Variants in ABI1 observed in about 807,000 individuals in gnomAD.
ABI1 encodes the protein Abelson interactor 1.
ABI1 carries 14 observed loss-of-function variants against 54.6 expected under a neutral mutation model. That is an observed-to-expected ratio of 0.26 (90% CI 0.17 to 0.40). The LOEUF is 0.40. Ranked by LOEUF, ABI1 falls within the 10% of genes least tolerant of loss-of-function variation. The pLI, the probability that ABI1 is intolerant of heterozygous loss-of-function variation, is 1.00. For missense variants in ABI1, 443 were observed against 598.3 expected (o/e 0.74, Z 2.71); for synonymous variants, 194 against 209.3 (o/e 0.93, Z 0.63).
At position 26,772,391 on chromosome 10, in the gene ABI1, C is replaced by T. The variant is rs572389726; in HGVS notation, c.463-1302G>A. Reference sequence around the variant, plus strand: ...GTATATACATAATACTAAATACTATCCTAAAATAACCAAGAAAATATTCTA... The same window carrying T: ...GTATATACATAATACTAAATACTATTCTAAAATAACCAAGAAAATATTCTA... On this transcript the variant is annotated intron_variant, in intron 3 of 10. Transcript: ENST00000376140. 7.2e-5 allele frequency among the ~76,000 whole-genome samples: 11 copies of T among 152,038 alleles called. No homozygotes were observed. In the South Asian group the frequency reaches 2.1e-3, roughly 29 times the overall value.
Position 26,748,763 on chromosome 10 carries a change from G to C in ABI1, c.1271-18C>G. On this transcript the variant is annotated intron_variant, in intron 10 of 10. Coordinates refer to ENST00000376140, the MANE Select transcript of ABI1 (RefSeq NM_001012750.3). ...TGCAACAACTATGGAAAAAACAGTT[G>C]AAATATCACATGAGTGCACTATATC... The C allele has an allele frequency of 6.3e-7, 1 of 1,588,286 alleles. No individual in the cohort carries two copies. Among genetic ancestry groups the C allele is most frequent in the Non-Finnish European group, 8.6e-7 (1 of 1,162,268 alleles).
chr10:26,809,132 T>C (rs1310807114), intron 2 of ABI1, among the ~76,000 whole-genome samples: 4 of 151,714 alleles, frequency 2.6e-5, no homozygotes, highest in Admixed American at 6.6e-5. Context: ...TAGCCGAGCA[T>C]GGTGGTGGGC....
In ABI1 at chr10:26,796,503, G is replaced by C. The variant is rs371635267; in HGVS notation, c.286-19262C>G. Among the ~76,000 whole-genome samples the C allele has an allele frequency of 5.3e-5, 8 of 152,248 alleles. No homozygotes were observed. The East Asian group carries it at 1.4e-3, about 26-fold the overall frequency. On this transcript the variant is annotated intron_variant, in intron 2 of 10. Transcript: ENST00000376140. ...GCAACAGGCTGTACCATAGGGCCTAGGTATACAGTAGGCTGTACTATCTAG... is the reference window on the plus strand; with the variant it reads ...GCAACAGGCTGTACCATAGGGCCTACGTATACAGTAGGCTGTACTATCTAG...
intron 9 of ABI1, among the ~76,000 whole-genome samples, chr10:26,754,507 G>A (rs1298199766): frequency 1.3e-5 from 2 of 152,176 alleles, no homozygotes; most frequent in Admixed American, 1.3e-4. Flanking sequence ...CCTGAAGGAA[G>A]GGGCTTTTGT....
At chr10:26,804,144 A>G (rs1367392389) in intron 2 of ABI1, among the ~76,000 whole-genome samples, 1 of 152,118 alleles carries the variant, frequency 6.6e-6, no homozygotes, top group African/African-American at 2.4e-5. Context: ...GCACTTTGGG[A>G]GGCTGAGGCA....
chr10:26,853,683 T>C (rs537728679), intron 1 of ABI1, among the ~76,000 whole-genome samples: 1 of 151,938 alleles, frequency 6.6e-6, no homozygotes, highest in South Asian at 2.1e-4. Flanking sequence ...GGACTACAGA[T>C]GCCCGCCACC....
chr10:26,819,592 G>T (rs957971550), intron 2 of ABI1, among the ~76,000 whole-genome samples: 10 of 152,168 alleles, frequency 6.6e-5, no homozygotes, highest in Admixed American at 6.5e-4. Context: ...GAGATTTATA[G>T]ACATTCCACC....
intron 1 of ABI1, among the ~76,000 whole-genome samples, chr10:26,844,950 A>G (rs191397734): frequency 6.6e-6 from 1 of 152,250 alleles, no homozygotes; most frequent in Non-Finnish European, 1.5e-5. Flanking sequence ...CCCTTCTCCA[A>G]TCCATCCCGT....
At chr10:26,843,463 AAAAAAAAAAAAAAAAAAAAAAAATATAT>A (rs1394718241) in intron 1 of ABI1, among the ~76,000 whole-genome samples, 1 of 76,054 alleles carries the variant, frequency 1.3e-5, no homozygotes, top group African/African-American at 5.5e-5. Flanking sequence ...CAAAAAAAAA[AAAAAAAAAAAAAAAAAAAAAAAATATAT>A]ATATATATAT....
rs1325533123 is a variant in ABI1, at chr10:26,823,186, T to C, written c.237A>G (p.Gln79=). 1.2e-6 allele frequency: 2 copies of C among 1,603,430 alleles called. No individual in the cohort carries two copies. Among genetic ancestry groups the C allele is most frequent in the Non-Finnish European group, 1.7e-6 (2 of 1,176,840 alleles). ...ANNVLQLLDI[Q]ASQLRRMESS... ...ACTCCATTCTCCGAAGCTGAGAGGC[T>C]TGGATATCCAGCAACTGGAGTACAT... is the stretch of plus-strand genomic sequence containing the variant. The change falls in exon 2 of 11, where the codon CAA becomes CAG. Residue 79 remains glutamine, a synonymous_variant. Transcript: ENST00000376140.
chr10:26,831,785 C>A (rs2133921576), intron 1 of ABI1, among the ~76,000 whole-genome samples: 1 of 152,276 alleles, frequency 6.6e-6, no homozygotes, highest in South Asian at 2.1e-4. Flanking sequence ...TGATTAGATT[C>A]AGATTGAACA....
At chr10:26,831,436 G>T (rs1018818248) in intron 1 of ABI1, among the ~76,000 whole-genome samples, 1 of 152,100 alleles carries the variant, frequency 6.6e-6, no homozygotes, top group Non-Finnish European at 1.5e-5. Flanking sequence ...CCAGCTACTC[G>T]GGAGGCTGAG....
chr10:26,856,591 C>T (rs1295157488), intron 1 of ABI1, among the ~76,000 whole-genome samples: 1 of 152,188 alleles, frequency 6.6e-6, no homozygotes. Flanking sequence ...GCAAATGTCA[C>T]AGGAGGAGGA....
intron 2 of ABI1, among the ~76,000 whole-genome samples, chr10:26,815,716 TG>T (rs1362718927): frequency 1.3e-5 from 2 of 152,132 alleles, no homozygotes; most frequent in African/African-American, 4.8e-5. Context: ...AAGACCAGCC[TG>T]GGCAACACAG....
At chr10:26,798,569 T>C (rs2046350347) in intron 2 of ABI1, among the ~76,000 whole-genome samples, 1 of 152,086 alleles carries the variant, frequency 6.6e-6, no homozygotes. Flanking sequence ...GAAACCCATT[T>C]CAAACTTCTG....
At chr10:26,772,272 G>A (rs1350715831) in intron 3 of ABI1, among the ~76,000 whole-genome samples, 1 of 151,596 alleles carries the variant, frequency 6.6e-6, no homozygotes, top group South Asian at 2.1e-4. Context: ...GATCCTTGAA[G>A]ATAAAATACA....
chr10:26,829,126 T>C (rs1343257678), intron 1 of ABI1, among the ~76,000 whole-genome samples: 3 of 151,354 alleles, frequency 2.0e-5, no homozygotes, highest in African/African-American at 7.3e-5. Flanking sequence ...CTCGGGAGGC[T>C]GAGGCAGGAG....
chr10:26,809,574 TA>T (rs1315870228), intron 2 of ABI1, among the ~76,000 whole-genome samples: 4 of 151,478 alleles, frequency 2.6e-5, no homozygotes, highest in South Asian at 2.1e-4. Context: ...AATAAATAAA[TA>T]AAATAAAAAT....
intron 1 of ABI1, among the ~76,000 whole-genome samples, chr10:26,835,906 T>C (rs904682369): frequency 1.3e-5 from 2 of 151,050 alleles, no homozygotes; most frequent in Non-Finnish European, 3.0e-5. Flanking sequence ...CATGCCACCA[T>C]GTCTGGCTAA....
Sources: gnomAD v4.1 joint callset for allele counts (sites outside exome capture counted in the v4.1 genomes callset) on GRCh38, gnomAD v4.1.1 for gene constraint, MANE v1.5 for transcripts, NCBI Gene and HGNC (gene_info 2026-07-23, HGNC 2026-07-21) for gene names.